EML6: variants seen among roughly 807,000 people sequenced by gnomAD.
EML6 encodes echinoderm microtubule-associated protein-like 6.
A neutral mutation model predicts 240.1 loss-of-function variants in EML6; 154 were observed. The ratio of observed to expected loss-of-function variants is 0.64; its 90% CI spans 0.56 to 0.73. EML6 has a LOEUF of 0.73. Ranked by LOEUF, EML6 falls within the 30% of genes least tolerant of loss-of-function variation. EML6 has a pLI of 0.00. For synonymous variants in EML6, 1,148 were observed against 899.0 expected (o/e 1.28, Z -4.95); for missense variants, 2,964 against 2,474.6 (o/e 1.20, Z -4.20).
chr2:54,775,056 G>T (rs909041245), intron 2 of EML6, among the ~76,000 whole-genome samples: 11 of 152,246 alleles, frequency 7.2e-5, no homozygotes, highest in African/African-American at 2.4e-4. Flanking sequence ...TTCCTACCCA[G>T]TGTGAGCCAG....
At chr2:54,890,775 T>C (rs886427507) in intron 17 of EML6, among the ~76,000 whole-genome samples, 7 of 152,210 alleles carry the variant, frequency 4.6e-5, no homozygotes, top group African/African-American at 1.4e-4. Flanking sequence ...TTTTATCTTA[T>C]GGAGACATTA....
intron 17 of EML6, among the ~76,000 whole-genome samples, chr2:54,887,052 G>C (rs549081147): frequency 8.5e-5 from 13 of 152,276 alleles, no homozygotes; most frequent in Non-Finnish European, 1.9e-4. Flanking sequence ...AACAATGTTA[G>C]TGATGGAATT....
intron 2 of EML6, among the ~76,000 whole-genome samples, chr2:54,795,561 G>A (rs1273454075): frequency 6.6e-6 from 1 of 152,184 alleles, no homozygotes; most frequent in Non-Finnish European, 1.5e-5. Flanking sequence ...AATTTAAAAA[G>A]CATGGTGTAG....
At chr2:54,916,687 G>C in intron 25 of EML6, 72 bp from the exon 26 acceptor site, 1 of 1,256,514 alleles carries the variant, frequency 8.0e-7, no homozygotes, top group Non-Finnish European at 1.1e-6. Context: ...AATTACTCAG[G>C]TGCAAACTGT....
chr2:54,816,735 C>T (rs902445601), intron 3 of EML6, 52 bp from the exon 4 acceptor site: 3 of 1,291,366 alleles, frequency 2.3e-6, no homozygotes, highest in African/African-American at 2.9e-5. Context: ...CTTAACGTGT[C>T]AGTAAGTCTT....
intron 39 of EML6, among the ~76,000 whole-genome samples, chr2:54,967,595 G>T (rs1234310610): frequency 6.6e-6 from 1 of 152,150 alleles, no homozygotes; most frequent in Non-Finnish European, 1.5e-5. Context: ...CAAAGATGGG[G>T]GTAACTTGTG....
chr2:54,910,145 C>T (rs1274135027), intron 24 of EML6, among the ~76,000 whole-genome samples: 2 of 152,108 alleles, frequency 1.3e-5, no homozygotes, highest in African/African-American at 4.8e-5. Context: ...GTGTTAATAG[C>T]TGTTGAGGCT....
At chr2:54,809,521 G>A (rs1400455422) in intron 2 of EML6, among the ~76,000 whole-genome samples, 1 of 152,150 alleles carries the variant, frequency 6.6e-6, no homozygotes, top group Non-Finnish European at 1.5e-5. Context: ...TAACAGCATG[G>A]CTGGAGGGTG....
chr2:54,808,389 C>G (rs574585360), intron 2 of EML6, among the ~76,000 whole-genome samples: 1 of 152,320 alleles, frequency 6.6e-6, no homozygotes, highest in South Asian at 2.1e-4. Flanking sequence ...GCAACCTCCC[C>G]TTCTGTCGTC....
chr2:54,763,852 C>T (rs1023924059), intron 2 of EML6, among the ~76,000 whole-genome samples: 4 of 152,172 alleles, frequency 2.6e-5, no homozygotes, highest in African/African-American at 9.7e-5. Context: ...GGCTCTGATG[C>T]TGCCTTCAGG....
chr2:54,939,303 G>T (rs899344113), intron 28 of EML6, among the ~76,000 whole-genome samples: 1 of 152,250 alleles, frequency 6.6e-6, no homozygotes, highest in Admixed American at 6.5e-5. Flanking sequence ...GTGGTCTGAA[G>T]TGGAGAAGCC....
intron 2 of EML6, among the ~76,000 whole-genome samples, chr2:54,809,415 T>C (rs2104020588): frequency 1.3e-5 from 2 of 152,300 alleles, no homozygotes; most frequent in South Asian, 4.1e-4. Context: ...TCTCATGAGA[T>C]CTTATCAAAA....
intron 17 of EML6, among the ~76,000 whole-genome samples, chr2:54,885,686 A>C (rs906963037): frequency 1.3e-5 from 2 of 151,894 alleles, no homozygotes; most frequent in Non-Finnish European, 2.9e-5. Context: ...ATCTCGGCTC[A>C]CTGCAAGCTC....
intron 26 of EML6, among the ~76,000 whole-genome samples, chr2:54,922,351 T>C (rs965325207): frequency 1.3e-5 from 2 of 152,134 alleles, no homozygotes; most frequent in Admixed American, 6.5e-5. Flanking sequence ...ATCACAGATA[T>C]CACCTCACAC....
intron 17 of EML6, 25 bp from the exon 18 acceptor site, chr2:54,891,029 C>T (rs767736598): frequency 2.7e-5 from 32 of 1,182,740 alleles, no homozygotes; most frequent in Middle Eastern, 4.0e-4. Context: ...AAACTAGAAT[C>T]TTATTTCCTA....
rs942171947 is a variant in EML6, at chr2:54,962,393, C to T, written c.4969-130C>T. ...ACCCACTGAACACTGACTCCCCTGT[C>T]CACCACCCCCATTCACCGGCAGTCA... is the stretch of plus-strand genomic sequence containing the variant. On this transcript the variant is annotated intron_variant, in intron 35 of 41. Coordinates refer to ENST00000356458, the MANE Select transcript of EML6 (RefSeq NM_001039753.4). 2.2e-5 allele frequency: 16 copies of T among 712,088 alleles called. No individual in the cohort carries two copies. The Admixed American group carries it at 5.4e-4, about 24-fold the overall frequency. 44.1% of individuals were successfully genotyped at this position (712,088 alleles called of 1,614,324 possible).
intron 13 of EML6, 66 bp from the exon 14 acceptor site, chr2:54,866,700 A>G: frequency 3.7e-6 from 3 of 811,418 alleles, no homozygotes; most frequent in Non-Finnish European, 5.9e-6. Flanking sequence ...CAAGAATGTC[A>G]AGATGCTGAT....
At chr2:54,869,656 T>G (rs1050971694) in intron 15 of EML6, among the ~76,000 whole-genome samples, 1 of 152,150 alleles carries the variant, frequency 6.6e-6, no homozygotes, top group Non-Finnish European at 1.5e-5. Flanking sequence ...TTTATATACT[T>G]CCTCGCTGTA....
intron 32 of EML6, among the ~76,000 whole-genome samples, chr2:54,955,027 T>G (rs1006936864): frequency 2.0e-5 from 3 of 152,138 alleles, no homozygotes; most frequent in African/African-American, 4.8e-5. Context: ...AAAGTTCCAG[T>G]CACTCCTGAG....
Sources: gnomAD v4.1 joint callset for allele counts (sites outside exome capture counted in the v4.1 genomes callset) on GRCh38, gnomAD v4.1.1 for gene constraint, MANE v1.5 for transcripts, NCBI Gene and HGNC (gene_info 2026-07-23, HGNC 2026-07-21) for gene names.